The following PAPPA2 variants were observed in gnomAD, a reference collection of about 807,000 sequenced individuals.
PAPPA2 encodes pappalysin-2.
PAPPA2 carries 86 observed loss-of-function variants against 176.4 expected under a neutral mutation model. That is an observed-to-expected ratio of 0.49 (90% CI 0.41 to 0.58). The LOEUF (loss-of-function observed/expected upper bound fraction) is 0.58, where lower values mean the gene tolerates loss of function less well. Among genes scored for constraint, PAPPA2 ranks in the 20% least tolerant of loss-of-function variants. The probability of loss-of-function intolerance (pLI) is 0.00; values close to 1 mark genes in which losing one functional copy is unlikely to be tolerated. For missense variants in PAPPA2, 2,073 were observed against 2,256.9 expected (o/e 0.92, Z 1.65); for synonymous variants, 809 against 852.2 (o/e 0.95, Z 0.88).
At chr1:176,825,800 G>A (rs887321936) in intron 21 of PAPPA2, among the ~76,000 whole-genome samples, 9 of 152,206 alleles carry the variant, frequency 5.9e-5, no homozygotes, top group Non-Finnish European at 1.0e-4. Context: ...AGAGAACACC[G>A]TTAAGAAAGA....
At chr1:176,813,498 G>T (rs1307300992) in intron 21 of PAPPA2, among the ~76,000 whole-genome samples, 1 of 152,208 alleles carries the variant, frequency 6.6e-6, no homozygotes, top group Non-Finnish European at 1.5e-5. Context: ...GGCATGAAAT[G>T]ATATCTCATT....
chr1:176,769,790 G>T lies in PAPPA2; in HGVS notation c.4501+6G>T, dbSNP rs747848527. 4 of 1,598,298 alleles carry T rather than the reference G, an allele frequency of 2.5e-6. No homozygotes were observed. The highest frequency in any genetic ancestry group is 1.3e-5 in the African/African-American group (1 of 74,168). ...CCCACCAGCCAAGCTGCAAGGTATT[G>T]TCTGGTCAACCAGGAACTGTATGCA... On this transcript the variant is annotated splice_donor_region_variant and intron_variant, in intron 16 of 22. Coordinates refer to ENST00000367662, the MANE Select transcript of PAPPA2 (RefSeq NM_020318.3).
rs543220948 is a variant in PAPPA2 at position 176,671,050 on chromosome 1, C to T, written c.2072C>T (p.Ser691Leu). The T allele has an allele frequency of 8.7e-6, 14 of 1,613,986 alleles. No homozygotes were observed. In the South Asian group the frequency reaches 1.3e-4, roughly 15 times the overall value. The stretch of plus-strand genomic sequence containing the variant: ...TTCCTCAACATCTACTTTGCCAGCT[C>T]AGTGCGGGAAGACCTTGCAGGTGCT... ...THFLNIYFAS[S>L]VREDLAGAAT... Residue 691 changes from serine to leucine, a missense_variant, in exon 4 of 23, where the codon TCA becomes TTA. This residue lies in a region of PAPPA2 where 1,196 missense variants were observed against 1,330.4 expected (regional missense o/e 0.90). Transcript: ENST00000367662.
chr1:176,648,358 T>C (rs909592783), intron 3 of PAPPA2, among the ~76,000 whole-genome samples: 1 of 151,560 alleles, frequency 6.6e-6, no homozygotes, highest in African/African-American at 2.4e-5. Flanking sequence ...TTCTGCTAAG[T>C]ATGTGGTCAT....
At chr1:176,774,931 C>T (rs1011971965) in intron 17 of PAPPA2, among the ~76,000 whole-genome samples, 13 of 152,248 alleles carry the variant, frequency 8.5e-5, no homozygotes, top group East Asian at 1.9e-4. Context: ...TTTATATCTT[C>T]GTGGAAGCCG....
At chr1:176,530,414 A>T (rs1366762762) in intron 1 of PAPPA2, among the ~76,000 whole-genome samples, 1 of 152,210 alleles carries the variant, frequency 6.6e-6, no homozygotes, top group Non-Finnish European at 1.5e-5. Context: ...GGGCCAAGCC[A>T]ATTAGAAATC....
At chr1:176,514,802 A>G (rs1648814196) in intron 1 of PAPPA2, among the ~76,000 whole-genome samples, 1 of 152,224 alleles carries the variant, frequency 6.6e-6, no homozygotes, top group Non-Finnish European at 1.5e-5. Flanking sequence ...GCGATGACAA[A>G]GCCCATGGAT....
At chr1:176,832,717 G>A (rs570909014) in intron 21 of PAPPA2, among the ~76,000 whole-genome samples, 5 of 152,300 alleles carry the variant, frequency 3.3e-5, no homozygotes, top group East Asian at 1.9e-4. Flanking sequence ...GAACTATTAC[G>A]CCCTGGGTAC....
chr1:176,580,357 T>G (rs1652891325), intron 2 of PAPPA2, among the ~76,000 whole-genome samples: 4 of 152,246 alleles, frequency 2.6e-5, no homozygotes, highest in Non-Finnish European at 4.4e-5. Flanking sequence ...TTTTTATGGC[T>G]GAATAATATT....
At position 176,843,366 on chromosome 1, in the gene PAPPA2, A is replaced by C. The variant is rs889294848; in HGVS notation, c.*912A>C. 6.6e-6 allele frequency: 1 copy of C among 152,132 alleles called. No homozygotes were observed. The highest frequency in any genetic ancestry group is 1.5e-5 in the Non-Finnish European group (1 of 68,034). 9.4% of individuals were successfully genotyped at this position (152,132 alleles called of 1,614,324 possible). A position where few individuals can be genotyped will look rare whatever the true frequency, so the allele number is the denominator to read the frequency against. On this transcript the variant is annotated 3_prime_UTR_variant, in exon 23 of 23. Coordinates refer to ENST00000367662, the MANE Select transcript of PAPPA2 (RefSeq NM_020318.3). ...GTGATGGGTCCAGGAGAACTAGACT[A>C]TGGTTCTTGAATATCTGTCCACAAA... is the stretch of plus-strand genomic sequence containing the variant.
chr1:176,786,801 T>C (rs542431687), intron 17 of PAPPA2, among the ~76,000 whole-genome samples: 9 of 152,302 alleles, frequency 5.9e-5, no homozygotes, highest in Admixed American at 1.3e-4. Flanking sequence ...TAAGTGTGGA[T>C]AATAACATTT....
chr1:176,700,472 C>T (rs1279677135), intron 8 of PAPPA2, among the ~76,000 whole-genome samples: 1 of 152,214 alleles, frequency 6.6e-6, no homozygotes, highest in African/African-American at 2.4e-5. Flanking sequence ...GTTGGGTGCT[C>T]TCATCTAGAC....
intron 17 of PAPPA2, among the ~76,000 whole-genome samples, chr1:176,775,945 G>A (rs1368192130): frequency 6.6e-6 from 1 of 152,124 alleles, no homozygotes; most frequent in African/African-American, 2.4e-5. Flanking sequence ...AATGTAAGCA[G>A]AATTGTAACT....
At chr1:176,509,961 G>A (rs1043106393) in intron 1 of PAPPA2, among the ~76,000 whole-genome samples, 3 of 152,190 alleles carry the variant, frequency 2.0e-5, no homozygotes, top group Non-Finnish European at 2.9e-5. Context: ...CTGAGCCAGG[G>A]AGGTTGAGAC....
intron 15 of PAPPA2, among the ~76,000 whole-genome samples, chr1:176,767,638 C>A (rs531510193): frequency 2.0e-5 from 3 of 152,118 alleles, no homozygotes; most frequent in Non-Finnish European, 4.4e-5. Context: ...GAGCCACTGC[C>A]CCCAGCCTTG....
Position 176,666,600 on chromosome 1 carries a change from T to A in PAPPA2, c.1992-4370T>A, listed in dbSNP as rs867043639. 4.8e-3 allele frequency among the ~76,000 whole-genome samples: 614 copies of A among 129,030 alleles called. 2 individuals carry two copies. The highest frequency in any genetic ancestry group is 0.016 in the Middle Eastern group (4 of 244). 84.6% of individuals were successfully genotyped at this position (129,030 alleles called of 152,430 possible). On this transcript the variant is annotated intron_variant, in intron 3 of 22. Transcript: ENST00000367662. ...GTGTGTGTGTGTGTGTGTGTGTGTG[T>A]GTGTGTGTGAGAGAGAGAGAGAGAG...
intron 17 of PAPPA2, among the ~76,000 whole-genome samples, chr1:176,784,590 CTT>C (rs146840671): frequency 2.8e-5 from 4 of 142,324 alleles, no homozygotes; most frequent in Admixed American, 7.0e-5. Context: ...AGATGATTCT[CTT>C]TTTTTTTTTT....
intron 4 of PAPPA2, among the ~76,000 whole-genome samples, chr1:176,672,481 T>C (rs1041420917): frequency 1.3e-5 from 2 of 152,060 alleles, no homozygotes; most frequent in Non-Finnish European, 2.9e-5. Context: ...ACATATCGAA[T>C]TGACAATCAT....
intron 1 of PAPPA2, among the ~76,000 whole-genome samples, chr1:176,502,179 G>C (rs1223905680): frequency 6.6e-6 from 1 of 152,154 alleles, no homozygotes; most frequent in Non-Finnish European, 1.5e-5. Flanking sequence ...ATAGCTGTCT[G>C]CACCACCCTT....
Sources: gnomAD v4.1 joint callset for allele counts (sites outside exome capture counted in the v4.1 genomes callset) on GRCh38, gnomAD v4.1.1 for gene constraint, gnomAD v4.1.1 regional missense constraint, MANE v1.5 for transcripts, NCBI Gene and HGNC (gene_info 2026-07-23, HGNC 2026-07-21) for gene names.